IL4I1: variants seen among roughly 807,000 people sequenced by gnomAD.
IL4I1 encodes the protein L-amino-acid oxidase.
Under a neutral mutation model 29.7 loss-of-function variants are expected in IL4I1, and 24 were observed. That is an observed-to-expected ratio of 0.81 (90% CI 0.59 to 1.14). The LOEUF (loss-of-function observed/expected upper bound fraction) is 1.14. IL4I1 is among the 50% of genes most tolerant of loss of function. IL4I1 has a pLI of 0.00. For missense variants in IL4I1, 686 were observed against 785.6 expected (o/e 0.87, Z 1.52); for synonymous variants, 371 against 352.5 (o/e 1.05, Z -0.59).
intron 2 of IL4I1, chr19:49,907,371 C>T (rs577315096): frequency 3.0e-6 from 1 of 336,684 alleles, no homozygotes; most frequent in Admixed American, 4.5e-5. Context: ...TGTGGTTCCT[C>T]AACACCCTGT....
intron 2 of IL4I1, among the ~76,000 whole-genome samples, chr19:49,922,540 G>C (rs1048444543): frequency 2.4e-4 from 37 of 152,034 alleles, no homozygotes; most frequent in Middle Eastern, 3.4e-3. Context: ...GAGACTCTTG[G>C]AATGAGGGCT....
chr19:49,904,870 C>T (rs1244328007), intron 2 of IL4I1, among the ~76,000 whole-genome samples: 5 of 152,102 alleles, frequency 3.3e-5, no homozygotes, highest in East Asian at 1.9e-4. Context: ...CCACCACACC[C>T]GGCTAATTTT....
chr19:49,912,635 G>A (rs922658951), intron 2 of IL4I1, among the ~76,000 whole-genome samples: 3 of 152,146 alleles, frequency 2.0e-5, no homozygotes, highest in Non-Finnish European at 4.4e-5. Context: ...AGGCTGAGGT[G>A]GGGGGATCGC....
intron 2 of IL4I1, among the ~76,000 whole-genome samples, chr19:49,920,732 T>C (rs1052974527): frequency 6.6e-6 from 1 of 152,144 alleles, no homozygotes; most frequent in African/African-American, 2.4e-5. Context: ...AGCCTAGAGC[T>C]GAAACGCTCT....
chr19:49,896,730 G>A (rs990244414), intron 1 of IL4I1, 105 bp downstream of exon 1: 6 of 717,972 alleles, frequency 8.4e-6, no homozygotes, highest in Non-Finnish European at 1.0e-5. Flanking sequence ...CCCCGCGCCC[G>A]GCCTCTTTTC....
upstream of IL4I1, among the ~76,000 whole-genome samples, chr19:49,901,098 G>A (rs1255411795): frequency 6.6e-6 from 1 of 152,164 alleles, no homozygotes; most frequent in Non-Finnish European, 1.5e-5. Flanking sequence ...AAGTTTCATT[G>A]GCCAGACGCG....
At position 49,896,130 on chromosome 19, in the gene IL4I1, C is replaced by T. The variant is rs1450630447; in HGVS notation, c.13+18G>A. The T allele has an allele frequency of 1.3e-6, 2 of 1,560,220 alleles. No homozygotes were observed. Among genetic ancestry groups the T allele is most frequent in the South Asian group, 1.2e-5 (1 of 85,744 alleles). On this transcript the variant is annotated intron_variant, in intron 2 of 7. Transcript: ENST00000391826. ...GGTTCTACTCACTTGTTCCAGAGCCCCTCCCCTGCTTACTCACCCAATGGG... is the reference window on the plus strand; with the variant it reads ...GGTTCTACTCACTTGTTCCAGAGCCTCTCCCCTGCTTACTCACCCAATGGG...
chr19:49,926,976 T>C (rs1359547165), intron 2 of IL4I1, among the ~76,000 whole-genome samples: 3 of 151,864 alleles, frequency 2.0e-5, no homozygotes, highest in East Asian at 1.9e-4. Flanking sequence ...CCTCCTGCCT[T>C]AGCCTCATGA....
At chr19:49,890,937 C>A in intron 7 of IL4I1, 34 bp downstream of exon 7, 2 of 160,026 alleles carry the variant, frequency 1.2e-5, no homozygotes. Context: ...TTGCCCCCCG[C>A]CCCCCCCCCC....
intron 2 of IL4I1, among the ~76,000 whole-genome samples, chr19:49,923,977 C>T (rs139694459): frequency 7.0e-4 from 107 of 152,368 alleles, no homozygotes; most frequent in African/African-American, 2.4e-3. Context: ...GAGCCTTTTC[C>T]ATCATGCCAG....
Position 49,909,822 on chromosome 19 carries a change from G to A in IL4I1, c.-227-5501C>T, listed in dbSNP as rs775320216. 8 of 1,613,340 alleles carry A rather than the reference G, an allele frequency of 5.0e-6. No homozygotes were observed. In the African/African-American group the frequency reaches 8.0e-5, roughly 16 times the overall value. On this transcript the variant is annotated intron_variant, in intron 2 of 9. Coordinates refer to the IL4I1 transcript ENST00000341114. The stretch of plus-strand genomic sequence containing the variant: ...AACCCGCTCATGGCTCCGGACTCTG[G>A]TGGCGGCAGCTACTCTGGCTCCCAA...
In IL4I1 at chr19:49,894,296, T is replaced by C; in HGVS notation, c.539A>G (p.Glu180Gly). Residue 180 changes from glutamate to glycine, a missense_variant, in exon 5 of 8, where the codon GAA becomes GGA. Physicochemically the swap from Glu to Gly is moderately conservative, Grantham distance 98. Coordinates refer to ENST00000391826, the MANE Select transcript of IL4I1 (RefSeq NM_152899.2). ...LRPQEKGHSP[E>G]DIYQMALNQA... ...GTTGAGAGCCATCTGGTAGATGTCTTCGGGCGAGTGGCCCTTTTCCTGGGG... is the reference window on the plus strand; with the variant it reads ...GTTGAGAGCCATCTGGTAGATGTCTCCGGGCGAGTGGCCCTTTTCCTGGGG... The C allele has an allele frequency of 6.2e-7, 1 of 1,614,052 alleles. No individual in the cohort carries two copies. The highest frequency in any genetic ancestry group is 8.5e-7 in the Non-Finnish European group (1 of 1,179,978).
upstream of IL4I1, among the ~76,000 whole-genome samples, chr19:49,899,268 C>T (rs533432645): frequency 6.6e-6 from 1 of 152,344 alleles, no homozygotes; most frequent in East Asian, 1.9e-4. Context: ...GTTTTTGGGT[C>T]CCCAGAGTGG....
At chr19:49,901,703 G>A (rs370597383), upstream of IL4I1, 572 of 1,534,270 alleles carry the variant, frequency 3.7e-4, no homozygotes, top group Non-Finnish European at 4.7e-4. Flanking sequence ...CAGGACAGAA[G>A]TCATCGTTGG....
intron 1 of IL4I1, among the ~76,000 whole-genome samples, chr19:49,896,474 A>G (rs1460281916): frequency 6.7e-6 from 1 of 150,074 alleles, no homozygotes; most frequent in East Asian, 2.0e-4. Flanking sequence ...TTTCTCTGCC[A>G]TCCAGGCTGG....
chr19:49,903,363 G>A (rs2122559318), intron 3 of IL4I1, among the ~76,000 whole-genome samples: 1 of 152,282 alleles, frequency 6.6e-6, no homozygotes, highest in Non-Finnish European at 1.5e-5. Flanking sequence ...GTGTCTGGAG[G>A]GGAGACGGGA....
At chr19:49,891,944 G>A (rs1319420009) in intron 5 of IL4I1, among the ~76,000 whole-genome samples, 2 of 152,126 alleles carry the variant, frequency 1.3e-5, no homozygotes, top group African/African-American at 4.8e-5. Context: ...AGTGCTGACA[G>A]GGCATGATGG....
intron 2 of IL4I1, among the ~76,000 whole-genome samples, chr19:49,926,202 CTG>C (rs1466920385): frequency 1.9e-5 from 2 of 107,142 alleles, no homozygotes; most frequent in Admixed American, 2.3e-4. Context: ...GAGCGAGACT[CTG>C]TCTCAAAAAA....
upstream of IL4I1, among the ~76,000 whole-genome samples, chr19:49,897,791 G>GA (rs2075230810): frequency 6.6e-6 from 1 of 151,240 alleles, no homozygotes; most frequent in African/African-American, 2.5e-5. Context: ...CCGTGAGGAG[G>GA]AAAACCAGAG....
Sources: gnomAD v4.1 joint callset for allele counts (sites outside exome capture counted in the v4.1 genomes callset) on GRCh38, gnomAD v4.1.1 for gene constraint, MANE v1.5 for transcripts, NCBI Gene and HGNC (gene_info 2026-07-23, HGNC 2026-07-21) for gene names.